The following PDE10A variants were observed in gnomAD, a reference collection of about 807,000 sequenced individuals.
PDE10A encodes the protein cAMP and cAMP-inhibited cGMP 3',5'-cyclic phosphodiesterase 10A.
In PDE10A, 39 loss-of-function variants were observed where a neutral mutation model predicts 97.7. The ratio of observed to expected loss-of-function variants is 0.40; its 90% CI spans 0.31 to 0.52. The LOEUF is 0.52. Ranked by LOEUF, PDE10A falls within the 20% of genes least tolerant of loss-of-function variation. PDE10A has a pLI of 0.56. For synonymous variants in PDE10A, 371 were observed against 376.8 expected (o/e 0.98, Z 0.18); for missense variants, 731 against 1,047.8 (o/e 0.70, Z 4.17).
chr6:165,652,916 T>A (rs1008157000), intron 1 of PDE10A, among the ~76,000 whole-genome samples: 3 of 152,136 alleles, frequency 2.0e-5, no homozygotes, highest in African/African-American at 7.2e-5. Context: ...TAAACACTTA[T>A]CTCCCTCCTT....
intron 1 of PDE10A, among the ~76,000 whole-genome samples, chr6:165,875,702 G>A (rs2248925): frequency 0.77 from 115,324 of 149,268 alleles, 44,598 homozygotes; most frequent in East Asian, 0.96. Context: ...TTTATTTTGG[G>A]TTTCTGATAG....
chr6:165,892,319 G>A (rs183262479), intron 1 of PDE10A, among the ~76,000 whole-genome samples: 1 of 152,194 alleles, frequency 6.6e-6, no homozygotes, highest in Non-Finnish European at 1.5e-5. Flanking sequence ...GAGAAGGCTG[G>A]ACTCCCCCCT....
intron 1 of PDE10A, among the ~76,000 whole-genome samples, chr6:165,723,626 C>G (rs148011278): frequency 4.8e-4 from 73 of 152,302 alleles, no homozygotes; most frequent in African/African-American, 1.7e-3. Flanking sequence ...GCCATAGCTG[C>G]TACCAATCCT....
intron 2 of PDE10A, among the ~76,000 whole-genome samples, chr6:165,483,180 A>G (rs1583377756): frequency 6.6e-6 from 1 of 152,282 alleles, no homozygotes; most frequent in Non-Finnish European, 1.5e-5. Flanking sequence ...TTCCTGTAAT[A>G]AACTTCAGAT....
At chr6:165,481,232 C>T (rs569296108) in intron 3 of PDE10A, among the ~76,000 whole-genome samples, 3 of 152,138 alleles carry the variant, frequency 2.0e-5, no homozygotes, top group Non-Finnish European at 4.4e-5. Context: ...TCTAGGTCCA[C>T]CCCTCTGTCA....
chr6:165,737,310 T>C (rs1357823630), intron 1 of PDE10A, among the ~76,000 whole-genome samples: 1 of 152,080 alleles, frequency 6.6e-6, no homozygotes, highest in African/African-American at 2.4e-5. Flanking sequence ...ATTACTTTAA[T>C]ACCAAAGTCA....
At chr6:165,839,066 T>G (rs1008268609) in intron 1 of PDE10A, among the ~76,000 whole-genome samples, 1 of 152,260 alleles carries the variant, frequency 6.6e-6, no homozygotes, top group African/African-American at 2.4e-5. Context: ...TTGATAGGAC[T>G]AGTTCAATGA....
At position 165,929,945 on chromosome 6, in the gene PDE10A, G is replaced by A. The variant is rs142808245; in HGVS notation, c.-615+57584C>T. 1.9e-3 allele frequency among the ~76,000 whole-genome samples: 282 copies of A among 151,680 alleles called. 3 individuals carry two copies. Among genetic ancestry groups the A allele is most frequent in the African/African-American group, 6.6e-3 (272 of 41,334 alleles). ...TGAGGGTGGCAGGTGGGAAAAGAGT[G>A]CTCCCTAATGACCAGGCAACATCAC... On this transcript the variant is annotated intron_variant, in intron 1 of 19. Coordinates refer to the PDE10A transcript ENST00000366882.
chr6:165,370,729 C>A (rs1413386497), intron 18 of PDE10A, among the ~76,000 whole-genome samples: 1 of 147,416 alleles, frequency 6.8e-6, no homozygotes, highest in Non-Finnish European at 1.5e-5. Context: ...CCAAGCGGAC[C>A]TAATAGACAT....
intron 1 of PDE10A, among the ~76,000 whole-genome samples, chr6:165,861,269 G>C (rs532038423): frequency 1.3e-5 from 2 of 152,268 alleles, no homozygotes; most frequent in South Asian, 4.2e-4. Context: ...GAGTGTCTGG[G>C]ATTGCCAGGT....
Position 165,673,812 on chromosome 6 carries a change from T to C in PDE10A, c.-614-130244A>G, listed in dbSNP as rs148341257. On this transcript the variant is annotated intron_variant, in intron 1 of 19. Coordinates refer to the PDE10A transcript ENST00000366882. ...AAATAAAATATTCCTTTCTTATATG[T>C]TTCTAAATGGTTTTAAATTTCAGTT... Among the ~76,000 whole-genome samples, 6 of 152,324 alleles carry C rather than the reference T, an allele frequency of 3.9e-5. No individual in the cohort carries two copies. In the East Asian group the frequency reaches 1.2e-3, roughly 29 times the overall value.
intron 13 of PDE10A, among the ~76,000 whole-genome samples, chr6:165,403,333 C>A (rs1786826718): frequency 6.6e-6 from 1 of 152,174 alleles, no homozygotes; most frequent in Admixed American, 6.5e-5. Context: ...GCCAATTATG[C>A]ACATTTCTTC....
intron 16 of PDE10A, among the ~76,000 whole-genome samples, chr6:165,392,214 A>G (rs765011364): frequency 2.6e-5 from 4 of 152,210 alleles, no homozygotes; most frequent in Non-Finnish European, 5.9e-5. Flanking sequence ...TTAATTAAAC[A>G]TTTCAGATCC....
At chr6:165,916,368 G>C (rs2128487348) in intron 1 of PDE10A, among the ~76,000 whole-genome samples, 1 of 152,312 alleles carries the variant, frequency 6.6e-6, no homozygotes, top group East Asian at 1.9e-4. Context: ...GACCATCCTA[G>C]GGTAGCTCTT....
At chr6:165,849,324 AC>A in intron 1 of PDE10A, among the ~76,000 whole-genome samples, 1 of 152,316 alleles carries the variant, frequency 6.6e-6, no homozygotes, top group East Asian at 1.9e-4. Context: ...CTGTTATCGA[AC>A]CCATGTTTAA....
intron 13 of PDE10A, among the ~76,000 whole-genome samples, chr6:165,402,439 T>A (rs1461494488): frequency 2.0e-5 from 3 of 152,136 alleles, no homozygotes; most frequent in Non-Finnish European, 4.4e-5. Context: ...GAAAATAATA[T>A]AATCTAGGAT....
chr6:165,692,784 T>C (rs1370592011), intron 1 of PDE10A, among the ~76,000 whole-genome samples: 1 of 152,242 alleles, frequency 6.6e-6, no homozygotes, highest in Non-Finnish European at 1.5e-5. Context: ...TGTATCCACC[T>C]TTCCCTTCTT....
chr6:165,348,530 G>C (rs1782467017), intron 18 of PDE10A, among the ~76,000 whole-genome samples: 1 of 152,192 alleles, frequency 6.6e-6, no homozygotes, highest in Admixed American at 6.5e-5. Flanking sequence ...TTTGTTTTTA[G>C]TTGTAGTCAG....
intron 1 of PDE10A, among the ~76,000 whole-genome samples, chr6:165,860,425 C>T (rs1780870329): frequency 2.0e-5 from 3 of 152,162 alleles, no homozygotes; most frequent in Admixed American, 1.3e-4. Context: ...GCACTCCAGC[C>T]TGGGCAACAA....
Sources: allele counts gnomAD v4.1 joint callset (sites outside exome capture counted in the v4.1 genomes callset), GRCh38; gene constraint gnomAD v4.1.1; transcripts MANE v1.5; gene names NCBI Gene and HGNC (gene_info 2026-07-23, HGNC 2026-07-21).